IGSF3: variants seen among roughly 807,000 people sequenced by gnomAD.
The protein encoded by IGSF3 is glu-Trp-Ile EWI motif-containing protein 3.
IGSF3 carries 23 observed loss-of-function variants against 114.4 expected under a neutral mutation model. That is an observed-to-expected ratio of 0.20 (90% CI 0.14 to 0.28). The LOEUF is 0.28. IGSF3 is among the 10% of genes least tolerant of loss of function. IGSF3 has a pLI of 1.00. For synonymous variants in IGSF3, 571 were observed against 645.2 expected (o/e 0.88, Z 1.74); for missense variants, 1,172 against 1,591.5 (o/e 0.74, Z 4.48).
chr1:116,635,765 C>T lies in IGSF3; in HGVS notation c.44-19308G>A, dbSNP rs140725887. Among the ~76,000 whole-genome samples the T allele has an allele frequency of 6.2e-3, 952 of 152,330 alleles. 15 individuals are homozygous for T. The highest frequency in any genetic ancestry group is 0.022 in the African/African-American group (925 of 41,576). On this transcript the variant is annotated intron_variant, in intron 2 of 10. Coordinates refer to ENST00000369486, the MANE Select transcript of IGSF3 (RefSeq NM_001007237.3). ...GGTCTCTGGTCTCTGCCAAGGCAAA[C>T]TCATAAAGCATTTCAAAGCCCTTCA...
chr1:116,646,642 A>G (rs550559149), intron 2 of IGSF3, among the ~76,000 whole-genome samples: 1 of 152,244 alleles, frequency 6.6e-6, no homozygotes, highest in East Asian at 1.9e-4. Context: ...GAGGAGGTAG[A>G]GAGAGCTACA....
chr1:116,660,684 C>T (rs1280169468), intron 2 of IGSF3, among the ~76,000 whole-genome samples: 1 of 151,740 alleles, frequency 6.6e-6, no homozygotes, highest in African/African-American at 2.4e-5. Context: ...TCAGGTGATC[C>T]ACCCACCTTG....
chr1:116,659,630 T>G (rs1038290540), intron 2 of IGSF3, among the ~76,000 whole-genome samples: 1 of 152,000 alleles, frequency 6.6e-6, no homozygotes. Context: ...CTCGCTCTTT[T>G]TGTGTGTGTG....
In IGSF3 at chr1:116,594,441, C is replaced by G. The variant is rs1473139239; in HGVS notation, c.2030-5337G>C. ...TATGATCTGGGTATGAGCTAAAGTC[C>G]TAATTTCTGAGTTTAGGATATTCTC... is the stretch of plus-strand genomic sequence containing the variant. On this transcript the variant is annotated intron_variant, in intron 7 of 10. Transcript: ENST00000369486. The surrounding 1 kb of genome is among the most constrained non-coding windows in gnomAD (Gnocchi z 5.2). Among the ~76,000 whole-genome samples, 2 of 152,114 alleles carry G rather than the reference C, an allele frequency of 1.3e-5. No individual in the cohort carries two copies. The highest frequency in any genetic ancestry group is 4.8e-5 in the African/African-American group (2 of 41,408).
At chr1:116,663,483 CAAGGG>C (rs1649196141) in intron 2 of IGSF3, among the ~76,000 whole-genome samples, 1 of 151,200 alleles carries the variant, frequency 6.6e-6, no homozygotes, top group East Asian at 2.0e-4. Flanking sequence ...TAATTGGAAC[CAAGGG>C]TTGTGGTGGC....
rs1661078421 is a variant in IGSF3 at position 116,612,920 on chromosome 1, T to C, written c.832+845A>G. Among the ~76,000 whole-genome samples, 1 of 152,208 alleles carries C rather than the reference T, an allele frequency of 6.6e-6. No individual in the cohort carries two copies. Among genetic ancestry groups the C allele is most frequent in the Non-Finnish European group, 1.5e-5 (1 of 68,022 alleles). Reference sequence around the variant, plus strand: ...GCTCAGGAGACTGGGGAGTAGAGTCTGGGGCCACAGGAGATACCAAGAGAA... The same window carrying C: ...GCTCAGGAGACTGGGGAGTAGAGTCCGGGGCCACAGGAGATACCAAGAGAA... On this transcript the variant is annotated intron_variant, in intron 4 of 10. Transcript: ENST00000369486. This position sits in a 1 kb window ranked among gnomAD's most constrained non-coding sequence, Gnocchi z 4.1.
rs1342429835 is a variant in IGSF3, at chr1:116,588,487, T to G, written c.2440+207A>C. On this transcript the variant is annotated intron_variant, in intron 8 of 10. Coordinates refer to ENST00000369486, the MANE Select transcript of IGSF3 (RefSeq NM_001007237.3). The surrounding 1 kb of genome is among the most constrained non-coding windows in gnomAD (Gnocchi z 4.9). Reference sequence around the variant, plus strand: ...AGAAGCAGAGTCAAGGATGCTTCCATGAGTCTGCCGTCAGCATCAGGACCC... The same window carrying G: ...AGAAGCAGAGTCAAGGATGCTTCCAGGAGTCTGCCGTCAGCATCAGGACCC... Among the ~76,000 whole-genome samples, 4 of 152,188 alleles carry G rather than the reference T, an allele frequency of 2.6e-5. No individual in the cohort carries two copies. Among genetic ancestry groups the G allele is most frequent in the Non-Finnish European group, 5.9e-5 (4 of 68,036 alleles).
chr1:116,581,994 G>A (rs183582317), intron 9 of IGSF3, among the ~76,000 whole-genome samples: 1 of 152,332 alleles, frequency 6.6e-6, no homozygotes, highest in Admixed American at 6.5e-5. Context: ...CCAGGGGCAA[G>A]ATGGCCAGAG....
Position 116,632,401 on chromosome 1 carries a change from T to C in IGSF3, c.44-15944A>G, listed in dbSNP as rs115173897. 1.8e-3 allele frequency among the ~76,000 whole-genome samples: 279 copies of C among 152,224 alleles called. 1 individual carries two copies. Among genetic ancestry groups the C allele is most frequent in the African/African-American group, 6.5e-3 (268 of 41,526 alleles). ...CTAGCATCTCTCAGCTAGACTGTCA[T>C]TGGATGGTGACATTCCCCAGGACTC... On this transcript the variant is annotated intron_variant, in intron 2 of 10. Transcript: ENST00000369486. This position sits in a 1 kb window ranked among gnomAD's most constrained non-coding sequence, Gnocchi z 5.1.
intron 7 of IGSF3, among the ~76,000 whole-genome samples, chr1:116,599,221 C>G (rs775869715): frequency 6.6e-6 from 1 of 152,138 alleles, no homozygotes; most frequent in Non-Finnish European, 1.5e-5. Context: ...GTGCCTATTA[C>G]CCTCCCTCTT....
chr1:116,586,612 T>C (rs1158591483), intron 8 of IGSF3, among the ~76,000 whole-genome samples: 1 of 152,188 alleles, frequency 6.6e-6, no homozygotes, highest in South Asian at 2.1e-4. Flanking sequence ...GGGGTCCTTC[T>C]AGTCCTTCCG....
chr1:116,658,645 C>G (rs553824505), intron 2 of IGSF3, among the ~76,000 whole-genome samples: 68 of 152,304 alleles, frequency 4.5e-4, no homozygotes, highest in Admixed American at 4.4e-3. Flanking sequence ...TCCTCTACCC[C>G]ACAATTCCAA....
rs1660543206 is a variant in IGSF3 at position 116,600,680 on chromosome 1, A to G, written c.1625-335T>C. The stretch of plus-strand genomic sequence containing the variant: ...CATGTAGGCAGGGTTGCTCCTAGAA[A>G]TCTTGAGATTCCATGAGAGAACAGG... On this transcript the variant is annotated intron_variant, in intron 6 of 10. Transcript: ENST00000369486. The surrounding 1 kb of genome is among the most constrained non-coding windows in gnomAD (Gnocchi z 5.5). Among the ~76,000 whole-genome samples the G allele has an allele frequency of 6.6e-6, 1 of 152,146 alleles. No homozygotes were observed. The highest frequency in any genetic ancestry group is 2.4e-5 in the African/African-American group (1 of 41,424).
rs1420278096 is a variant in IGSF3, at chr1:116,596,970, T to C, written c.2029+2971A>G. Among the ~76,000 whole-genome samples the C allele has an allele frequency of 6.6e-6, 1 of 152,198 alleles. No individual in the cohort carries two copies. Among genetic ancestry groups the C allele is most frequent in the Admixed American group, 6.5e-5 (1 of 15,276 alleles). On this transcript the variant is annotated intron_variant, in intron 7 of 10. Coordinates refer to ENST00000369486, the MANE Select transcript of IGSF3 (RefSeq NM_001007237.3). This position sits in a 1 kb window ranked among gnomAD's most constrained non-coding sequence, Gnocchi z 4.1. ...CCAGTAACACTAGTGCTATAACTCCTCCACATCATCAATCTACAAGGAGAA... is the reference window on the plus strand; with the variant it reads ...CCAGTAACACTAGTGCTATAACTCCCCCACATCATCAATCTACAAGGAGAA...
Position 116,627,919 on chromosome 1 carries a change from C to T in IGSF3, c.44-11462G>A, listed in dbSNP as rs929358156. On this transcript the variant is annotated intron_variant, in intron 2 of 10. Coordinates refer to ENST00000369486, the MANE Select transcript of IGSF3 (RefSeq NM_001007237.3). This position sits in a 1 kb window ranked among gnomAD's most constrained non-coding sequence, Gnocchi z 4.7. ...GAGCCGTGTCCTACTCAGAGCAGCC[C>T]CTTCAGCTCTTCACCCTGGAAAGCA... Among the ~76,000 whole-genome samples, 5 of 152,296 alleles carry T rather than the reference C, an allele frequency of 3.3e-5. No individual in the cohort carries two copies. Among genetic ancestry groups the T allele is most frequent in the South Asian group, 2.1e-4 (1 of 4,828 alleles).
Position 116,607,844 on chromosome 1 carries a change from T to G in IGSF3, c.1222+98A>C, listed in dbSNP as rs1011692195. The stretch of plus-strand genomic sequence containing the variant: ...CTGCATTAACCTCGAGGGTTCCATC[T>G]GCCTCCCCTCACCTTCACCACGCTA... On this transcript the variant is annotated intron_variant, in intron 5 of 10. Coordinates refer to ENST00000369486, the MANE Select transcript of IGSF3 (RefSeq NM_001007237.3). The surrounding 1 kb of genome is among the most constrained non-coding windows in gnomAD (Gnocchi z 6.1). The G allele has an allele frequency of 8.2e-7, 1 of 1,219,882 alleles. No individual in the cohort carries two copies. The highest frequency in any genetic ancestry group is 1.5e-5 in the African/African-American group (1 of 66,516). The allele number at this position is 1,219,882 out of a possible 1,614,324, so 75.6% of individuals were successfully genotyped here. A position where few individuals can be genotyped will look rare whatever the true frequency, so the allele number is the denominator to read the frequency against.
In IGSF3 at chr1:116,593,448, G is replaced by T. The variant is rs1660207477; in HGVS notation, c.2030-4344C>A. Among the ~76,000 whole-genome samples the T allele has an allele frequency of 6.6e-6, 1 of 152,226 alleles. No homozygotes were observed. The highest frequency in any genetic ancestry group is 6.5e-5 in the Admixed American group (1 of 15,286). ...GACAGTAATGCTAGAGATAGAGGCG[G>T]CCAGTGGCTGCGGCAGGAGATGTTT... On this transcript the variant is annotated intron_variant, in intron 7 of 10. Transcript: ENST00000369486. This position sits in a 1 kb window ranked among gnomAD's most constrained non-coding sequence, Gnocchi z 4.5.
chr1:116,589,988 T>C lies in IGSF3; in HGVS notation c.2030-884A>G, dbSNP rs1048614795. The stretch of plus-strand genomic sequence containing the variant: ...AGCATTTGATCAGTGTTTGCTGAAA[T>C]AGGTGAACGAGTGGGTGAGCGAATG... On this transcript the variant is annotated intron_variant, in intron 7 of 10. Transcript: ENST00000369486. The surrounding 1 kb of genome is among the most constrained non-coding windows in gnomAD (Gnocchi z 5.7). 3.3e-5 allele frequency among the ~76,000 whole-genome samples: 5 copies of C among 151,776 alleles called. No homozygotes were observed. Among genetic ancestry groups the C allele is most frequent in the Non-Finnish European group, 5.9e-5 (4 of 67,984 alleles).
At chr1:116,591,724 G>C (rs1455107082) in intron 7 of IGSF3, among the ~76,000 whole-genome samples, 1 of 152,142 alleles carries the variant, frequency 6.6e-6, no homozygotes, top group Admixed American at 6.5e-5. Flanking sequence ...AGGCACAGGG[G>C]AGACTGGAAT....
Sources: gnomAD v4.1 joint callset for allele counts (sites outside exome capture counted in the v4.1 genomes callset) on GRCh38, gnomAD v4.1.1 for gene constraint, Gnocchi (gnomAD v3.1) non-coding constraint, MANE v1.5 for transcripts, NCBI Gene and HGNC (gene_info 2026-07-23, HGNC 2026-07-21) for gene names.